EDA: variants seen among roughly 807,000 people sequenced by gnomAD.
EDA encodes the protein ectodysplasin-A.
EDA carries 2 observed loss-of-function variants against 23.6 expected under a neutral mutation model. That is an observed-to-expected ratio of 0.08 (90% CI 0.03 to 0.27). EDA has a LOEUF of 0.27. Ranked by LOEUF, EDA falls within the 10% of genes least tolerant of loss-of-function variation. EDA has a pLI of 1.00. For synonymous variants in EDA, 131 were observed against 132.0 expected, an observed-to-expected ratio of 0.99 and a Z score of 0.05; for missense variants, 229 against 324.2, an observed-to-expected ratio of 0.71 and a Z score of 2.26.
intron 1 of EDA, among the ~76,000 whole-genome samples, chrX:69,692,213 G>T (rs1284604660): frequency 9.0e-6 from 1 of 111,484 alleles, no homozygotes; most frequent in Non-Finnish European, 1.9e-5. Context: ...CTATGTACTG[G>T]TTTCACTCTA....
intron 1 of EDA, chrX:69,620,616 A>G (rs1932144936): frequency 6.7e-6 from 1 of 148,852 alleles, no homozygotes; most frequent in Non-Finnish European, 1.3e-5. Context: ...TTGCTTCATT[A>G]TTCCCATCGC....
At chrX:69,893,605 G>A (rs1466577709) in intron 1 of EDA, among the ~76,000 whole-genome samples, 1 of 112,147 alleles carries the variant, frequency 8.9e-6, no homozygotes, top group Non-Finnish European at 1.9e-5. Context: ...CATAAAATAT[G>A]GAATAAACAT....
chrX:69,863,537 A>ATATGTGTGTATATATGTGTGTG (rs201764521), intron 1 of EDA, among the ~76,000 whole-genome samples: 4 of 27,292 alleles, frequency 1.5e-4, no homozygotes, highest in Non-Finnish European at 3.7e-4. Flanking sequence ...GTGTGTATAT[A>ATATGTGTGTATATATGTGTGTG]TATATATACA....
chrX:69,726,969 G>GT (rs762407104), intron 1 of EDA, among the ~76,000 whole-genome samples: 110 of 112,127 alleles, frequency 9.8e-4, no homozygotes, highest in African/African-American at 3.5e-3. Context: ...GAATGGCAGT[G>GT]TTTTACACTC....
In EDA at chrX:69,875,402, T is replaced by A. The variant is rs187667624; in HGVS notation, c.397-81625T>A. Among the ~76,000 whole-genome samples, 4 of 111,705 alleles carry A rather than the reference T, an allele frequency of 3.6e-5. No individual in the cohort carries two copies. In the East Asian group the frequency reaches 1.1e-3, roughly 31 times the overall value. On this transcript the variant is annotated intron_variant, in intron 1 of 7. Transcript: ENST00000374552. Reference sequence around the variant, plus strand: ...GGGAAAGAACACCCTATTCAACAAATGCTGCTGGGATAATTGGCAGGCCAC... The same window carrying A: ...GGGAAAGAACACCCTATTCAACAAAAGCTGCTGGGATAATTGGCAGGCCAC...
At position 69,885,716 on chromosome X, in the gene EDA, G is replaced by A. The variant is rs767033957; in HGVS notation, c.397-71311G>A. ...AGACTTAGGAAGGTCATTTTGACAA[G>A]AGGTACCCACATCCAGATAACATAC... On this transcript the variant is annotated intron_variant, in intron 1 of 7. Coordinates refer to ENST00000374552, the MANE Select transcript of EDA (RefSeq NM_001399.5). Among the ~76,000 whole-genome samples, 122 of 111,631 alleles carry A rather than the reference G, an allele frequency of 1.1e-3. 1 individual carries two copies. Among genetic ancestry groups the A allele is most frequent in the Non-Finnish European group, 1.5e-3 (82 of 53,164 alleles).
intron 1 of EDA, among the ~76,000 whole-genome samples, chrX:69,724,865 T>G (rs1275563119): frequency 8.9e-6 from 1 of 112,120 alleles, no homozygotes; most frequent in African/African-American, 3.2e-5. Context: ...CTCTTGCTGC[T>G]TGTTGAACTT....
At chrX:69,735,202 A>G in intron 1 of EDA, among the ~76,000 whole-genome samples, 1 of 60,388 alleles carries the variant, frequency 1.7e-5, no homozygotes, top group Non-Finnish European at 5.0e-5. Flanking sequence ...ACAACAGAAT[A>G]TTTTGTATGT....
chrX:69,990,975 C>T (rs2019580816), intron 2 of EDA, among the ~76,000 whole-genome samples: 1 of 110,640 alleles, frequency 9.0e-6, no homozygotes, highest in African/African-American at 3.3e-5. Flanking sequence ...TATATTTTAG[C>T]CCATTTAGCA....
intron 1 of EDA, among the ~76,000 whole-genome samples, chrX:69,690,323 T>C (rs1423073855): frequency 2.7e-5 from 3 of 111,592 alleles, no homozygotes; most frequent in Non-Finnish European, 3.8e-5. Flanking sequence ...TTTCCTTCTA[T>C]TGCTAATTTT....
chrX:69,917,303 T>C (rs2018360842), intron 1 of EDA, among the ~76,000 whole-genome samples: 1 of 111,809 alleles, frequency 8.9e-6, no homozygotes, highest in Non-Finnish European at 1.9e-5. Flanking sequence ...CAAATAAATA[T>C]CATCCATTGG....
intron 1 of EDA, chrX:69,617,596 T>C: frequency 4.0e-6 from 1 of 252,017 alleles, no homozygotes. Context: ...ATTCTATTCT[T>C]TCTAGCTTTT....
intron 5 of EDA, 31 bp downstream of exon 5, chrX:70,029,569 G>A: frequency 8.3e-7 from 1 of 1,204,060 alleles, no homozygotes; most frequent in South Asian, 1.8e-5. Flanking sequence ...TTCCTGGGTA[G>A]GAGGGAAAGC....
At chrX:69,952,045 T>C (rs763617164) in intron 1 of EDA, among the ~76,000 whole-genome samples, 2 of 112,070 alleles carry the variant, frequency 1.8e-5, no homozygotes, top group East Asian at 5.6e-4. Context: ...ATTCCAGATA[T>C]TTTGTGTGAG....
At chrX:70,028,219 T>C (rs925518177) in intron 4 of EDA, among the ~76,000 whole-genome samples, 183 bp downstream of exon 4, 3 of 111,613 alleles carry the variant, frequency 2.7e-5, no homozygotes, top group East Asian at 2.8e-4. Context: ...TGGCCTGCTC[T>C]AGCTTCTTAT....
chrX:69,872,753 A>G (rs889118022), intron 1 of EDA, among the ~76,000 whole-genome samples: 2 of 111,473 alleles, frequency 1.8e-5, no homozygotes, highest in Non-Finnish European at 3.8e-5. Flanking sequence ...TTATAAAACA[A>G]TTACTACTAG....
In EDA at chrX:70,037,546, G is replaced by A. The variant is rs1164555482; in HGVS notation, c.*1937G>A. The A allele has an allele frequency of 8.9e-6, 1 of 112,232 alleles. No individual in the cohort carries two copies. The highest frequency in any genetic ancestry group is 3.2e-5 in the African/African-American group (1 of 30,823). 9.2% of individuals were successfully genotyped at this position (112,232 alleles called of 1,213,427 possible). On this transcript the variant is annotated 3_prime_UTR_variant, in exon 8 of 8. Coordinates refer to ENST00000374552, the MANE Select transcript of EDA (RefSeq NM_001399.5). ...CATCATTGTTTAGATGAGGCTCAGA[G>A]AGGTAGCACTCTCAGAGTGTTTTGA...
intron 1 of EDA, among the ~76,000 whole-genome samples, chrX:69,621,328 ATTTC>A (rs762767864): frequency 2.1e-4 from 23 of 112,005 alleles, no homozygotes; most frequent in Admixed American, 7.5e-4. Flanking sequence ...TTTTCATTTC[ATTTC>A]TTTCTTTTAT....
intron 1 of EDA, among the ~76,000 whole-genome samples, chrX:69,656,917 G>A (rs1469118329): frequency 1.8e-5 from 2 of 112,084 alleles, no homozygotes; most frequent in Non-Finnish European, 3.8e-5. Context: ...CACCTGGGTT[G>A]AGTCCATGTC....
Sources: allele counts gnomAD v4.1 joint callset (sites outside exome capture counted in the v4.1 genomes callset), GRCh38; gene constraint gnomAD v4.1.1; transcripts MANE v1.5; gene names NCBI Gene and HGNC (gene_info 2026-07-23, HGNC 2026-07-21).